RPH3A: variants seen among roughly 807,000 people sequenced by gnomAD.
The protein encoded by RPH3A is rabphilin-3A.
A neutral mutation model predicts 102.2 loss-of-function variants in RPH3A; 48 were observed. The observed-to-expected ratio is 0.47, with a 90% CI of 0.37 to 0.60. The LOEUF (loss-of-function observed/expected upper bound fraction) is 0.60. Ranked by LOEUF, RPH3A falls within the 20% of genes least tolerant of loss-of-function variation. The pLI is 0.00. For missense variants in RPH3A, 781 were observed against 910.1 expected (o/e 0.86, Z 1.83); for synonymous variants, 310 against 324.3 (o/e 0.96, Z 0.47).
At chr12:112,784,975 C>A (rs2041036255) in intron 1 of RPH3A, among the ~76,000 whole-genome samples, 1 of 152,184 alleles carries the variant, frequency 6.6e-6, no homozygotes, top group Non-Finnish European at 1.5e-5. Context: ...ATAATCCCAG[C>A]ACTTTGGGAG....
intron 1 of RPH3A, among the ~76,000 whole-genome samples, chr12:112,661,909 A>G (rs985789507): frequency 1.1e-4 from 16 of 152,148 alleles, no homozygotes; most frequent in African/African-American, 3.6e-4. Context: ...GTTGGTGGCC[A>G]TCGCAGCTGC....
chr12:112,759,665 T>C (rs1393241353), intron 1 of RPH3A, among the ~76,000 whole-genome samples: 1 of 152,098 alleles, frequency 6.6e-6, no homozygotes, highest in African/African-American at 2.4e-5. Flanking sequence ...AAAGGTGAGA[T>C]TAAAGGATAG....
intron 2 of RPH3A, among the ~76,000 whole-genome samples, chr12:112,802,785 G>A (rs2041379918): frequency 6.6e-6 from 1 of 150,716 alleles, no homozygotes; most frequent in Non-Finnish European, 1.5e-5. Context: ...ATTCCCCAGG[G>A]CCTCTGTCCA....
chr12:112,870,656 G>A (rs1021494779), intron 10 of RPH3A, among the ~76,000 whole-genome samples: 1 of 152,122 alleles, frequency 6.6e-6, no homozygotes, highest in Non-Finnish European at 1.5e-5. Context: ...GCAGGAAGGG[G>A]CTGTGTCTGG....
chr12:112,713,567 A>AG (rs2040495311), intron 1 of RPH3A, among the ~76,000 whole-genome samples: 1 of 151,286 alleles, frequency 6.6e-6, no homozygotes, highest in South Asian at 2.1e-4. Context: ...ATTTGCAGGA[A>AG]AAAAAAAAGC....
chr12:112,693,253 T>G (rs535762536), intron 1 of RPH3A, among the ~76,000 whole-genome samples: 108 of 152,358 alleles, frequency 7.1e-4, no homozygotes, highest in African/African-American at 2.5e-3. Flanking sequence ...GTATTTACTT[T>G]GGCTTATATT....
chr12:112,759,892 G>A (rs2040844039), intron 1 of RPH3A, among the ~76,000 whole-genome samples: 2 of 152,284 alleles, frequency 1.3e-5, no homozygotes, highest in African/African-American at 2.4e-5. Context: ...TGACAGGTAA[G>A]TCATTGATCA....
At chr12:112,781,934 C>T (rs138158115) in intron 1 of RPH3A, among the ~76,000 whole-genome samples, 49 of 152,334 alleles carry the variant, frequency 3.2e-4, no homozygotes, top group Non-Finnish European at 4.4e-4. Context: ...TATTCCATTG[C>T]TGATAACTAA....
At chr12:112,885,363 A>G (rs1385453070) in intron 16 of RPH3A, among the ~76,000 whole-genome samples, 7 of 152,172 alleles carry the variant, frequency 4.6e-5, no homozygotes, top group Non-Finnish European at 1.0e-4. Context: ...CAGCCTCATC[A>G]ACACTTTTTC....
intron 1 of RPH3A, among the ~76,000 whole-genome samples, chr12:112,757,286 C>T (rs560978007): frequency 6.6e-6 from 1 of 152,300 alleles, no homozygotes; most frequent in East Asian, 1.9e-4. Context: ...AATGCCTTTC[C>T]TGATGGACAG....
intron 19 of RPH3A, among the ~76,000 whole-genome samples, chr12:112,892,097 A>G (rs1219227713): frequency 3.3e-5 from 5 of 152,226 alleles, no homozygotes; most frequent in Non-Finnish European, 5.9e-5. Flanking sequence ...TTAGCACCTC[A>G]GTAGAATTCT....
At chr12:112,773,340 T>C (rs1261247919) in intron 1 of RPH3A, among the ~76,000 whole-genome samples, 6 of 152,178 alleles carry the variant, frequency 3.9e-5, no homozygotes, top group Admixed American at 1.3e-4. Flanking sequence ...ACAGTGGATT[T>C]GGTTCCTTGG....
At chr12:112,711,187 C>T (rs376193625) in intron 1 of RPH3A, among the ~76,000 whole-genome samples, 2 of 152,140 alleles carry the variant, frequency 1.3e-5, no homozygotes, top group African/African-American at 4.8e-5. Flanking sequence ...ACTTACAGTT[C>T]TTAGGCTCAT....
At chr12:112,712,235 G>A (rs376875472) in intron 1 of RPH3A, among the ~76,000 whole-genome samples, 1 of 152,084 alleles carries the variant, frequency 6.6e-6, no homozygotes, top group African/African-American at 2.4e-5. Context: ...ACGCAGGCAC[G>A]CACGTAATCC....
chr12:112,743,027 G>A (rs1269696512), intron 1 of RPH3A, among the ~76,000 whole-genome samples: 1 of 152,084 alleles, frequency 6.6e-6, no homozygotes, highest in Non-Finnish European at 1.5e-5. Flanking sequence ...GCCATCCCGT[G>A]TCCTACTTCC....
At chr12:112,883,682 AG>A (rs2042962410) in intron 16 of RPH3A, among the ~76,000 whole-genome samples, 1 of 152,014 alleles carries the variant, frequency 6.6e-6, no homozygotes, top group Non-Finnish European at 1.5e-5. Flanking sequence ...TGTATGTAAA[AG>A]TTTTTTCCTA....
Position 112,658,378 on chromosome 12 carries a change from T to C in RPH3A, c.-140+83059T>C, listed in dbSNP as rs182678257. Among the ~76,000 whole-genome samples, 689 of 152,266 alleles carry C rather than the reference T, an allele frequency of 4.5e-3. 7 individuals carry two copies. The highest frequency in any genetic ancestry group is 0.016 in the African/African-American group (647 of 41,558). ...TTTTAGTAGAGACGGGGTTTTGTCATGTTGGCCAGGCTGGTCTTGAACTCC... is the reference window on the plus strand; with the variant it reads ...TTTTAGTAGAGACGGGGTTTTGTCACGTTGGCCAGGCTGGTCTTGAACTCC... On this transcript the variant is annotated intron_variant, in intron 1 of 21. Coordinates refer to the RPH3A transcript ENST00000543106.
intron 8 of RPH3A, 196 bp downstream of exon 8, chr12:112,868,791 C>G (rs1224734551): frequency 1.7e-5 from 9 of 540,020 alleles, no homozygotes; most frequent in Non-Finnish European, 2.8e-5. Flanking sequence ...ACAGGGAACT[C>G]TCCAGCAATG....
intron 1 of RPH3A, among the ~76,000 whole-genome samples, chr12:112,628,914 T>C (rs1413201969): frequency 6.6e-6 from 1 of 152,034 alleles, no homozygotes; most frequent in African/African-American, 2.4e-5. Context: ...AATAGTGCCT[T>C]GGACCAGGTG....
Sources: gnomAD v4.1 joint callset for allele counts (sites outside exome capture counted in the v4.1 genomes callset) on GRCh38, gnomAD v4.1.1 for gene constraint, MANE v1.5 for transcripts, NCBI Gene and HGNC (gene_info 2026-07-23, HGNC 2026-07-21) for gene names.